The following SIPA1L2 variants were observed in gnomAD, a reference collection of about 807,000 sequenced individuals.
SIPA1L2 encodes signal-induced proliferation-associated 1-like protein 2.
A neutral mutation model predicts 163.9 loss-of-function variants in SIPA1L2; 56 were observed. The ratio of observed to expected loss-of-function variants is 0.34; its 90% CI spans 0.28 to 0.43. The LOEUF is 0.43. Ranked by LOEUF, SIPA1L2 falls within the 20% of genes least tolerant of loss-of-function variation. SIPA1L2 has a pLI of 1.00. For synonymous variants in SIPA1L2, 877 were observed against 865.7 expected (o/e 1.01, Z -0.23); for missense variants, 1,974 against 2,193.5 (o/e 0.90, Z 2.00).
At chr1:232,556,468 T>C (rs535033167) in intron 2 of SIPA1L2, among the ~76,000 whole-genome samples, 128 of 152,320 alleles carry the variant, frequency 8.4e-4, no homozygotes, top group African/African-American at 3.0e-3. Flanking sequence ...TCTACAAATG[T>C]GCTCTGATGC....
intron 21 of SIPA1L2, chr1:232,402,692 A>G (rs1660417233): frequency 2.7e-6 from 1 of 371,308 alleles, no homozygotes. Flanking sequence ...CTCTATAGAT[A>G]TACGAGTTGG....
chr1:232,590,168 A>T (rs1309680637), intron 1 of SIPA1L2, among the ~76,000 whole-genome samples: 1 of 152,112 alleles, frequency 6.6e-6, no homozygotes, highest in Admixed American at 6.5e-5. Context: ...CACATCATGG[A>T]ACAGACAGTC....
At chr1:232,555,341 GC>G (rs1658639641) in intron 2 of SIPA1L2, among the ~76,000 whole-genome samples, 1 of 152,052 alleles carries the variant, frequency 6.6e-6, no homozygotes. Context: ...GCCATGCTTT[GC>G]CCCCCTAAAG....
chr1:232,570,132 A>G (rs1255979971), intron 2 of SIPA1L2, among the ~76,000 whole-genome samples: 1 of 152,240 alleles, frequency 6.6e-6, no homozygotes. Flanking sequence ...AGTGCCAGCT[A>G]TCTCGGAAAA....
chr1:232,482,179 A>G (rs997463588), intron 6 of SIPA1L2, among the ~76,000 whole-genome samples: 3 of 152,234 alleles, frequency 2.0e-5, no homozygotes, highest in African/African-American at 4.8e-5. Flanking sequence ...TGTATCAAGG[A>G]TAAGGCCTCT....
Position 232,479,776 on chromosome 1 carries a change from A to C in SIPA1L2, c.1982-46T>G, listed in dbSNP as rs774254604. 4.6e-6 allele frequency: 7 copies of C among 1,527,032 alleles called. No individual in the cohort carries two copies. The East Asian group carries it at 1.6e-4, about 34-fold the overall frequency. The allele number at this position is 1,527,032 out of a possible 1,614,324, so 94.6% of individuals were successfully genotyped here. ...CAGAAGCAAGGTAAGCTGCTACAAA[A>C]TTAGTGCTTCGATATTTAAAAGGTT... is the stretch of plus-strand genomic sequence containing the variant. On this transcript the variant is annotated intron_variant, in intron 6 of 22. Transcript: ENST00000674635.
chr1:232,554,193 T>G (rs1658567383), intron 2 of SIPA1L2, among the ~76,000 whole-genome samples: 1 of 152,222 alleles, frequency 6.6e-6, no homozygotes, highest in South Asian at 2.1e-4. Context: ...CTCTCAGAGA[T>G]AAATGTTAAC....
intron 1 of SIPA1L2, among the ~76,000 whole-genome samples, chr1:232,580,866 T>C (rs1489032193): frequency 6.6e-6 from 1 of 152,196 alleles, no homozygotes; most frequent in Non-Finnish European, 1.5e-5. Context: ...TGTCAAAGTA[T>C]ATTTCAGGAT....
intron 11 of SIPA1L2, among the ~76,000 whole-genome samples, chr1:232,445,288 T>A (rs559129826): frequency 3.3e-5 from 5 of 152,268 alleles, no homozygotes; most frequent in African/African-American, 9.6e-5. Context: ...GGATACTGGA[T>A]GAAGAGGAAA....
At chr1:232,452,316 G>C (rs190420123) in intron 10 of SIPA1L2, among the ~76,000 whole-genome samples, 136 of 152,140 alleles carry the variant, frequency 8.9e-4, no homozygotes, top group African/African-American at 3.1e-3. Flanking sequence ...CAGCAAAGAG[G>C]GGGTGTCCTA....
At chr1:232,471,929 G>A (rs921075251) in intron 7 of SIPA1L2, among the ~76,000 whole-genome samples, 2 of 152,136 alleles carry the variant, frequency 1.3e-5, no homozygotes, top group Admixed American at 6.5e-5. Flanking sequence ...TCACACCGGC[G>A]GGCTTCAGCT....
intron 3 of SIPA1L2, among the ~76,000 whole-genome samples, chr1:232,511,186 C>CA (rs1471170035): frequency 6.6e-6 from 1 of 151,958 alleles, no homozygotes; most frequent in African/African-American, 2.4e-5. Flanking sequence ...ACAGCAGAGA[C>CA]AAAAAAGCAG....
At chr1:232,455,899 T>C (rs560119287) in intron 10 of SIPA1L2, among the ~76,000 whole-genome samples, 10 of 151,844 alleles carry the variant, frequency 6.6e-5, no homozygotes, top group Non-Finnish European at 1.3e-4. Flanking sequence ...GAGCTAAACA[T>C]TGAGTACACA....
rs557448632 is a variant in SIPA1L2, at chr1:232,445,550, C to T, written c.3332G>A (p.Arg1111Gln). The T allele has an allele frequency of 5.8e-5, 94 of 1,613,776 alleles. No homozygotes were observed. The highest frequency in any genetic ancestry group is 2.5e-4 in the Admixed American group (15 of 60,000). Residue 1111 changes from arginine (R) to glutamine (Q), a missense_variant, in exon 11 of 23, where the codon CGG (arginine) becomes CAG (glutamine). Transcript: ENST00000674635. ...AAIPRSTSFDRKLPDGTRSSP... is the reference protein window; with the variant it reads ...AAIPRSTSFDQKLPDGTRSSP... Reference sequence around the variant, plus strand: ...TTACCTCGTGCCATCGGGCAGCTTCCGGTCGAAGGAGGTGCTTCGAGGAAT... The same window carrying T: ...TTACCTCGTGCCATCGGGCAGCTTCTGGTCGAAGGAGGTGCTTCGAGGAAT...
intron 3 of SIPA1L2, among the ~76,000 whole-genome samples, chr1:232,499,913 T>C (rs1250186960): frequency 2.0e-5 from 3 of 152,100 alleles, no homozygotes; most frequent in Non-Finnish European, 4.4e-5. Context: ...GCCAAACTAC[T>C]CTCCCTGTGC....
intron 7 of SIPA1L2, among the ~76,000 whole-genome samples, chr1:232,473,997 TAA>T (rs1664916966): frequency 2.6e-5 from 4 of 152,234 alleles, no homozygotes; most frequent in Admixed American, 2.6e-4. Flanking sequence ...TTGAACTTCT[TAA>T]AGGCAAATGT....
chr1:232,452,895 G>A (rs982313093), intron 10 of SIPA1L2, among the ~76,000 whole-genome samples: 4 of 152,122 alleles, frequency 2.6e-5, no homozygotes, highest in African/African-American at 7.2e-5. Flanking sequence ...CATAAAATAT[G>A]TAAACTTCCT....
At position 232,513,913 on chromosome 1, in the gene SIPA1L2, A is replaced by C. The variant is rs1256744343; in HGVS notation, c.1427T>G (p.Ile476Ser). 6.2e-7 allele frequency: 1 copy of C among 1,613,038 alleles called. No individual in the cohort carries two copies. Among genetic ancestry groups the C allele is most frequent in the African/African-American group, 1.3e-5 (1 of 74,878 alleles). Residue 476 changes from isoleucine to serine, a missense_variant, in exon 3 of 23, where the codon ATC (isoleucine) becomes AGC (serine). By Grantham distance (142) the Ile-to-Ser change is moderately radical (BLOSUM62 -2). Coordinates refer to ENST00000674635, the MANE Select transcript of SIPA1L2 (RefSeq NM_020808.5). Reference protein sequence around the residue: ...PIHREKVKRYIIEHIDLGAYY... With the variant: ...PIHREKVKRYSIEHIDLGAYY... ...GGCCCCAAGGTCAATGTGTTCTATG[A>C]TGTAGCGCTTCACTTTCTCCCTGTG...
chr1:232,535,699 A>G (rs529961089), intron 2 of SIPA1L2, among the ~76,000 whole-genome samples: 14 of 152,326 alleles, frequency 9.2e-5, no homozygotes, highest in African/African-American at 2.9e-4. Context: ...AATGCCAGAC[A>G]TTCAGTTCAC....
Sources: gnomAD v4.1 joint callset for allele counts (sites outside exome capture counted in the v4.1 genomes callset) on GRCh38, gnomAD v4.1.1 for gene constraint, MANE v1.5 for transcripts, NCBI Gene and HGNC (gene_info 2026-07-23, HGNC 2026-07-21) for gene names.